PALLD: variants seen among roughly 807,000 people sequenced by gnomAD.
PALLD encodes the protein palladin.
PALLD carries 61 observed loss-of-function variants against 123.5 expected under a neutral mutation model. The ratio of observed to expected loss-of-function variants is 0.49; its 90% CI spans 0.40 to 0.61. The LOEUF is 0.61. Ranked by LOEUF, PALLD falls within the 20% of genes least tolerant of loss-of-function variation. The pLI is 0.00. For missense variants in PALLD, 1,273 were observed against 1,377.0 expected (o/e 0.92, Z 1.20); for synonymous variants, 465 against 496.4 (o/e 0.94, Z 0.84).
chr4:168,499,877 T>C (rs892747659), intron 1 of PALLD, among the ~76,000 whole-genome samples: 23 of 148,934 alleles, frequency 1.5e-4, no homozygotes, highest in Non-Finnish European at 3.0e-4. Context: ...ACTTTTTCTT[T>C]CAAAATTGTA....
At chr4:168,820,333 G>A (rs749841050) in intron 10 of PALLD, among the ~76,000 whole-genome samples, 2 of 152,166 alleles carry the variant, frequency 1.3e-5, no homozygotes, top group Non-Finnish European at 2.9e-5. Context: ...GAGGCACAGA[G>A]AGGTTAAATA....
chr4:168,924,534 A>T, intron 19 of PALLD, 114 bp downstream of exon 19: 1 of 1,073,372 alleles, frequency 9.3e-7, no homozygotes, highest in Non-Finnish European at 1.4e-6. Flanking sequence ...AGATGTTTTG[A>T]TTTTTGATGA....
intron 10 of PALLD, among the ~76,000 whole-genome samples, chr4:168,783,036 T>TTATA (rs370965065): frequency 6.8e-6 from 1 of 146,386 alleles, no homozygotes; most frequent in East Asian, 2.0e-4. Context: ...CTCACAAATT[T>TTATA]TATATATATA....
chr4:168,698,610 G>C (rs1783384003), intron 8 of PALLD, among the ~76,000 whole-genome samples: 1 of 151,974 alleles, frequency 6.6e-6, no homozygotes, highest in Admixed American at 6.6e-5. Context: ...GGCCCCACCA[G>C]ACTGCTCCAC....
chr4:168,878,527 T>C, intron 10 of PALLD: 1 of 601,240 alleles, frequency 1.7e-6, no homozygotes, highest in Non-Finnish European at 2.6e-6. Context: ...CACATTTCTC[T>C]CCGTGCGATG....
chr4:168,555,880 A>G (rs1482518290), intron 2 of PALLD, among the ~76,000 whole-genome samples: 1 of 152,170 alleles, frequency 6.6e-6, no homozygotes, highest in Non-Finnish European at 1.5e-5. Context: ...GATCCAGTCA[A>G]AAAGAGGGAT....
intron 21 of PALLD, 44 bp from the exon 22 acceptor site, chr4:168,926,169 G>C: frequency 7.0e-7 from 1 of 1,430,390 alleles, no homozygotes; most frequent in Non-Finnish European, 9.3e-7. Context: ...GGCTTTCCAA[G>C]TATATCTTGA....
In PALLD at chr4:168,702,452, G is replaced by A. The variant is rs145642929; in HGVS notation, c.1502-6576G>A. On this transcript the variant is annotated intron_variant, in intron 8 of 21. Coordinates refer to ENST00000505667, the MANE Select transcript of PALLD (RefSeq NM_001166108.2). ...ACCTGTAATTCCAGCTACTTGGGAGGCTGAGGCAGGAGAATCACTTGAATC... is the reference window on the plus strand; with the variant it reads ...ACCTGTAATTCCAGCTACTTGGGAGACTGAGGCAGGAGAATCACTTGAATC... Among the ~76,000 whole-genome samples the A allele has an allele frequency of 9.2e-3, 1,405 of 152,270 alleles. 19 individuals carry two copies. The highest frequency in any genetic ancestry group is 0.032 in the African/African-American group (1,309 of 41,548).
chr4:168,778,079 C>T (rs1176749511), intron 10 of PALLD, among the ~76,000 whole-genome samples: 1 of 152,014 alleles, frequency 6.6e-6, no homozygotes, highest in Non-Finnish European at 1.5e-5. Flanking sequence ...GAAGGATGAA[C>T]AAGGAAAAGG....
chr4:168,600,101 G>A (rs13150076), intron 2 of PALLD, among the ~76,000 whole-genome samples: 41,348 of 116,688 alleles, frequency 0.35, 6,879 homozygotes, highest in African/African-American at 0.51. Context: ...GCATGTGTAT[G>A]CACACATATA....
intron 2 of PALLD, chr4:168,598,638 G>T: frequency 3.1e-6 from 1 of 322,386 alleles, no homozygotes; most frequent in Admixed American, 4.4e-5. Flanking sequence ...TTCACAGCCA[G>T]TTTAGTTACG....
At chr4:168,835,317 G>T (rs928270832) in intron 10 of PALLD, among the ~76,000 whole-genome samples, 1 of 152,172 alleles carries the variant, frequency 6.6e-6, no homozygotes, top group East Asian at 1.9e-4. Flanking sequence ...GGGGAAAATA[G>T]ACACTAACCA....
chr4:168,673,791 C>T (rs1228616834), intron 3 of PALLD, among the ~76,000 whole-genome samples: 1 of 151,984 alleles, frequency 6.6e-6, no homozygotes, highest in African/African-American at 2.4e-5. Context: ...TCAGCTATAC[C>T]GTTTGTGAGG....
At chr4:168,792,238 C>T (rs1737627983) in intron 10 of PALLD, among the ~76,000 whole-genome samples, 1 of 152,020 alleles carries the variant, frequency 6.6e-6, no homozygotes, top group Non-Finnish European at 1.5e-5. Context: ...CTTGTCACAC[C>T]TCATGTCGCA....
At chr4:168,638,872 G>A (rs944139073) in intron 2 of PALLD, among the ~76,000 whole-genome samples, 1 of 152,042 alleles carries the variant, frequency 6.6e-6, no homozygotes, top group Admixed American at 6.5e-5. Flanking sequence ...AGCTTACCCC[G>A]ATTCACACTC....
intron 15 of PALLD, among the ~76,000 whole-genome samples, chr4:168,906,574 T>C (rs1757843164): frequency 6.6e-6 from 1 of 152,178 alleles, no homozygotes; most frequent in Admixed American, 6.5e-5. Context: ...TATCACATTG[T>C]ACCCCACAAA....
chr4:168,835,695 T>C (rs1201684715), intron 10 of PALLD, among the ~76,000 whole-genome samples: 1 of 143,596 alleles, frequency 7.0e-6, no homozygotes, highest in Non-Finnish European at 1.6e-5. Flanking sequence ...AAAGAGTTTT[T>C]TGTTTGTTTT....
intron 2 of PALLD, among the ~76,000 whole-genome samples, chr4:168,556,945 G>A (rs1767373136): frequency 6.6e-6 from 1 of 152,170 alleles, no homozygotes; most frequent in African/African-American, 2.4e-5. Context: ...CAGATTAGAA[G>A]GCAGGAAGCA....
intron 10 of PALLD, among the ~76,000 whole-genome samples, chr4:168,795,666 A>T (rs930213328): frequency 1.3e-5 from 2 of 151,840 alleles, no homozygotes; most frequent in Non-Finnish European, 2.9e-5. Flanking sequence ...AATACAGTTA[A>T]TTGGGAGCTA....
Sources: allele counts gnomAD v4.1 joint callset (sites outside exome capture counted in the v4.1 genomes callset), GRCh38; gene constraint gnomAD v4.1.1; transcripts MANE v1.5; gene names NCBI Gene and HGNC (gene_info 2026-07-23, HGNC 2026-07-21).